VRK2: variants seen among roughly 807,000 people sequenced by gnomAD.
The protein encoded by VRK2 is serine/threonine-protein kinase VRK2.
A neutral mutation model predicts 57.6 loss-of-function variants in VRK2; 60 were observed. The observed-to-expected ratio is 1.04, with a 90% CI of 0.85 to 1.29. VRK2 has a LOEUF of 1.29. VRK2 is among the 50% of genes most tolerant of loss of function. The pLI is 0.00. For synonymous variants in VRK2, 231 were observed against 199.2 expected, an observed-to-expected ratio of 1.16 and a Z score of -1.35; for missense variants, 705 against 588.1, an observed-to-expected ratio of 1.20 and a Z score of -2.06.
At position 58,110,286 on chromosome 2, in the gene VRK2, C is replaced by G. The variant is rs564668141; in HGVS notation, c.544-12815C>G. 1.9e-3 allele frequency among the ~76,000 whole-genome samples: 284 copies of G among 152,264 alleles called. 3 individuals are homozygous for G. The highest frequency in any genetic ancestry group is 6.6e-3 in the African/African-American group (273 of 41,550). On this transcript the variant is annotated intron_variant, in intron 7 of 12. Transcript: ENST00000340157. ...TACATGTATGTAGCAACTTTAAAGG[C>G]TTTTCTTCAAAACAGAAAGCAATCA...
intron 1 of VRK2, among the ~76,000 whole-genome samples, chr2:57,923,082 A>G (rs1295581391): frequency 6.6e-6 from 1 of 152,070 alleles, no homozygotes; most frequent in Non-Finnish European, 1.5e-5. Context: ...ATAGTACTCC[A>G]TTGTGTATGT....
intron 1 of VRK2, among the ~76,000 whole-genome samples, chr2:57,914,206 T>G (rs1182056138): frequency 6.6e-6 from 1 of 151,736 alleles, no homozygotes; most frequent in Non-Finnish European, 1.5e-5. Flanking sequence ...TGAGGTCAGA[T>G]AGCCAAGATC....
intron 12 of VRK2, among the ~76,000 whole-genome samples, chr2:58,151,967 C>T (rs1258374041): frequency 6.6e-6 from 1 of 151,412 alleles, no homozygotes; most frequent in Non-Finnish European, 1.5e-5. Flanking sequence ...AAAATATTTA[C>T]TCTCAGGCAT....
intron 1 of VRK2, among the ~76,000 whole-genome samples, chr2:57,942,148 A>T (rs72808455): frequency 0.024 from 3,684 of 152,340 alleles, 63 homozygotes; most frequent in Non-Finnish European, 0.038. Flanking sequence ...TTAGCAGGGG[A>T]AGAAAAATAA....
chr2:58,084,030 A>G, intron 2 of VRK2, 59 bp from the exon 3 acceptor site: 1 of 1,568,212 alleles, frequency 6.4e-7, no homozygotes, highest in Non-Finnish European at 8.7e-7. Flanking sequence ...GGGATATGGT[A>G]GGTATTCAGT....
At chr2:58,158,273 T>C (rs917789720) in intron 12 of VRK2, among the ~76,000 whole-genome samples, 3 of 152,234 alleles carry the variant, frequency 2.0e-5, no homozygotes, top group Non-Finnish European at 2.9e-5. Flanking sequence ...GACAAACTTA[T>C]GAAAAACTGC....
chr2:57,940,805 A>C (rs1671070052), intron 1 of VRK2, among the ~76,000 whole-genome samples: 1 of 152,132 alleles, frequency 6.6e-6, no homozygotes, highest in Non-Finnish European at 1.5e-5. Context: ...TGCTAACTAA[A>C]CTATTACTTC....
At position 58,138,718 on chromosome 2, in the gene VRK2, T is replaced by C. The variant is rs532087135; in HGVS notation, c.857-948T>C. Among the ~76,000 whole-genome samples the C allele has an allele frequency of 7.7e-4, 117 of 152,294 alleles. 1 individual carries two copies. The highest frequency in any genetic ancestry group is 2.7e-3 in the African/African-American group (114 of 41,576). The stretch of plus-strand genomic sequence containing the variant: ...TTTTCCCACCATGGATATAAGCAAC[T>C]AAGTGAGAAAGTAAGAAGTACTTGA... On this transcript the variant is annotated intron_variant, in intron 10 of 12. Coordinates refer to ENST00000340157, the MANE Select transcript of VRK2 (RefSeq NM_006296.7).
intron 2 of VRK2, among the ~76,000 whole-genome samples, chr2:58,079,377 A>G (rs1304473591): frequency 6.6e-6 from 1 of 152,080 alleles, no homozygotes; most frequent in Non-Finnish European, 1.5e-5. Context: ...GCTTTTAATC[A>G]TCCATTTGCC....
intron 7 of VRK2, among the ~76,000 whole-genome samples, chr2:58,097,019 G>T (rs1009526732): frequency 2.0e-5 from 3 of 151,892 alleles, no homozygotes; most frequent in Admixed American, 2.0e-4. Context: ...ATATTATTAT[G>T]ATATTGTTTA....
At position 58,159,623 on chromosome 2, in the gene VRK2, A is replaced by ATGTT. The variant is rs759317234; in HGVS notation, c.1459_1462dup (p.Tyr488CysfsTer35). 6 of 1,613,816 alleles carry ATGTT rather than the reference A, an allele frequency of 3.7e-6. No homozygotes were observed. Among genetic ancestry groups the ATGTT allele is most frequent in the South Asian group, 1.1e-5 (1 of 91,078 alleles). On this transcript the variant is annotated frameshift_variant, in exon 13 of 13. Transcript: ENST00000340157. LOFTEE classifies it high-confidence loss of function. ...ACTCTTAGTGAAGAGACAAACGCAG[A>ATGTT]TGTTTATTATTATCGCATCATCATA... is the stretch of plus-strand genomic sequence containing the variant.
intron 1 of VRK2, among the ~76,000 whole-genome samples, chr2:57,940,245 C>T (rs1671049365): frequency 6.6e-6 from 1 of 152,066 alleles, no homozygotes; most frequent in African/African-American, 2.4e-5. Flanking sequence ...ATCTCAAGGC[C>T]TGAGACCCAG....
intron 12 of VRK2, among the ~76,000 whole-genome samples, chr2:58,158,840 TC>T (rs768970308): frequency 7.9e-5 from 12 of 152,174 alleles, no homozygotes; most frequent in Non-Finnish European, 2.9e-5. Context: ...TGTATAGCTT[TC>T]CAAGAGACAT....
In VRK2 at chr2:58,135,212, A is replaced by G. The variant is rs763585415; in HGVS notation, c.856+13A>G. 5.6e-6 allele frequency: 9 copies of G among 1,614,082 alleles called. No individual in the cohort carries two copies. The Admixed American group carries it at 1.2e-4, about 21-fold the overall frequency. ...GGAAGCAGTTGCTGTAAGTCAAATA[A>G]TAACTTCAACCTTCTCTTACGATTT... On this transcript the variant is annotated intron_variant, in intron 10 of 12. Coordinates refer to ENST00000340157, the MANE Select transcript of VRK2 (RefSeq NM_006296.7).
intron 1 of VRK2, among the ~76,000 whole-genome samples, chr2:57,974,229 T>A (rs888251962): frequency 6.6e-6 from 1 of 151,938 alleles, no homozygotes; most frequent in Admixed American, 6.6e-5. Flanking sequence ...GAAAAACTGA[T>A]AAAGCTTTAA....
intron 2 of VRK2, among the ~76,000 whole-genome samples, chr2:58,052,599 T>C: frequency 9.3e-6 from 1 of 107,766 alleles, no homozygotes; most frequent in Admixed American, 9.9e-5. Flanking sequence ...TGAGACTGTC[T>C]CAAAAAAAAA....
intron 1 of VRK2, among the ~76,000 whole-genome samples, chr2:57,957,575 C>T (rs1219005186): frequency 6.8e-6 from 1 of 147,340 alleles, no homozygotes; most frequent in Non-Finnish European, 1.5e-5. Context: ...GATATATATA[C>T]TTATATATAT....
intron 1 of VRK2, among the ~76,000 whole-genome samples, chr2:57,997,752 G>C (rs370446697): frequency 2.0e-5 from 3 of 152,162 alleles, no homozygotes; most frequent in Admixed American, 6.5e-5. Flanking sequence ...AAATTAGCCA[G>C]GCAATGGTGG....
At position 58,084,004 on chromosome 2, in the gene VRK2, G is replaced by A. The variant is rs1462863964; in HGVS notation, c.137-85G>A. Reference sequence around the variant, plus strand: ...CATAATAAACTTACATATGTAAAATGCTTAGCATAGTGTTTGGGATATGGT... The same window carrying A: ...CATAATAAACTTACATATGTAAAATACTTAGCATAGTGTTTGGGATATGGT... On this transcript the variant is annotated intron_variant, in intron 2 of 12. Coordinates refer to ENST00000340157, the MANE Select transcript of VRK2 (RefSeq NM_006296.7). 1.1e-5 allele frequency: 16 copies of A among 1,438,110 alleles called. No individual in the cohort carries two copies. In the East Asian group the frequency reaches 3.3e-4, roughly 30 times the overall value. The allele number at this position is 1,438,110 out of a possible 1,614,324, so 89.1% of individuals were successfully genotyped here.
Sources: gnomAD v4.1 joint callset for allele counts (sites outside exome capture counted in the v4.1 genomes callset) on GRCh38, gnomAD v4.1.1 for gene constraint, MANE v1.5 for transcripts, NCBI Gene and HGNC (gene_info 2026-07-23, HGNC 2026-07-21) for gene names.